THADA: variants seen among roughly 807,000 people sequenced by gnomAD.
The protein encoded by THADA is tRNA (32-2'-O)-methyltransferase regulator THADA.
A neutral mutation model predicts 219.8 loss-of-function variants in THADA; 213 were observed. That is an observed-to-expected ratio of 0.97 (90% CI 0.87 to 1.09). THADA has a LOEUF of 1.09. Ranked by LOEUF, THADA falls within the 50% of genes least tolerant of loss-of-function variation. The pLI is 0.00. For synonymous variants in THADA, 1,018 were observed against 828.9 expected (o/e 1.23, Z -3.92); for missense variants, 2,956 against 2,311.3 (o/e 1.28, Z -5.72).
intron 29 of THADA, among the ~76,000 whole-genome samples, chr2:43,347,616 A>C (rs1406528289): frequency 6.6e-6 from 1 of 152,242 alleles, no homozygotes; most frequent in African/African-American, 2.4e-5. Flanking sequence ...CATAAATACA[A>C]GATATTCATA....
At chr2:43,562,402 G>T (rs896251700) in intron 15 of THADA, 1 of 152,028 alleles carries the variant, frequency 6.6e-6, no homozygotes, top group African/African-American at 2.4e-5. Context: ...CTGCCACCAC[G>T]CCCGGCTAAT....
At chr2:43,478,999 A>G (rs1342032986) in intron 26 of THADA, among the ~76,000 whole-genome samples, 1 of 152,206 alleles carries the variant, frequency 6.6e-6, no homozygotes, top group Non-Finnish European at 1.5e-5. Context: ...ATACTCATTT[A>G]TCTACTCTGC....
At chr2:43,524,239 T>C (rs1345906319) in intron 22 of THADA, among the ~76,000 whole-genome samples, 1 of 152,242 alleles carries the variant, frequency 6.6e-6, no homozygotes, top group African/African-American at 2.4e-5. Flanking sequence ...GTGTTGCAAG[T>C]GTTGCTTTCA....
intron 36 of THADA, among the ~76,000 whole-genome samples, chr2:43,265,685 C>T (rs2104234097): frequency 6.6e-6 from 1 of 152,316 alleles, no homozygotes; most frequent in Admixed American, 6.5e-5. Context: ...AACCCCACTT[C>T]TTCAAACACG....
chr2:43,287,702 T>A (rs1056882293), intron 34 of THADA, among the ~76,000 whole-genome samples: 3 of 152,186 alleles, frequency 2.0e-5, no homozygotes, highest in African/African-American at 7.2e-5. Flanking sequence ...AAATAACAAC[T>A]TATTGTCACC....
chr2:43,283,218 C>T (rs1298195574), intron 35 of THADA, among the ~76,000 whole-genome samples: 1 of 152,140 alleles, frequency 6.6e-6, no homozygotes, highest in Non-Finnish European at 1.5e-5. Flanking sequence ...CCTGTTAAGC[C>T]CATGGAACTG....
chr2:43,430,200 A>C lies in THADA; in HGVS notation c.3926+13T>G, dbSNP rs1455644683. 6.9e-7 allele frequency: 1 copy of C among 1,440,378 alleles called. No homozygotes were observed. Among genetic ancestry groups the C allele is most frequent in the East Asian group, 2.6e-5 (1 of 38,872 alleles). The allele number at this position is 1,440,378 out of a possible 1,614,324, so 89.2% of individuals were successfully genotyped here. Reference sequence around the variant, plus strand: ...CCTTGAGGTCATTTTGCCCCACCCAATTCTCTTCTTACCTGTCTACTGTAT... The same window carrying C: ...CCTTGAGGTCATTTTGCCCCACCCACTTCTCTTCTTACCTGTCTACTGTAT... On this transcript the variant is annotated intron_variant, in intron 27 of 37. Coordinates refer to ENST00000405975, the MANE Select transcript of THADA (RefSeq NM_022065.5).
At chr2:43,357,666 T>C (rs774092796) in intron 29 of THADA, among the ~76,000 whole-genome samples, 2 of 152,180 alleles carry the variant, frequency 1.3e-5, no homozygotes, top group Non-Finnish European at 2.9e-5. Context: ...GTCCTACATA[T>C]ATCCTGTCAT....
intron 28 of THADA, among the ~76,000 whole-genome samples, chr2:43,421,813 G>A (rs934066871): frequency 6.6e-6 from 1 of 152,356 alleles, no homozygotes; most frequent in Non-Finnish European, 1.5e-5. Flanking sequence ...CTAAATTTTA[G>A]TAGATTAATT....
chr2:43,448,865 A>G lies in THADA; in HGVS notation c.3837-18563T>C, dbSNP rs547694052. On this transcript the variant is annotated intron_variant, in intron 26 of 37. Coordinates refer to ENST00000405975, the MANE Select transcript of THADA (RefSeq NM_022065.5). ...ACCTGATTTCCAGAGTTACTACACT[A>G]TTAGATTCAAGCATCCTGTTTCCAA... 2.6e-5 allele frequency among the ~76,000 whole-genome samples: 4 copies of G among 152,294 alleles called. No homozygotes were observed. In the South Asian group the frequency reaches 6.2e-4, roughly 24 times the overall value.
At chr2:43,258,728 A>G (rs1304201896) in intron 36 of THADA, among the ~76,000 whole-genome samples, 3 of 152,276 alleles carry the variant, frequency 2.0e-5, no homozygotes, top group African/African-American at 7.2e-5. Context: ...ACTTTTAGAA[A>G]TGAAGAATGA....
chr2:43,310,222 T>TCCCC (rs371025361), intron 31 of THADA, among the ~76,000 whole-genome samples: 2 of 64,578 alleles, frequency 3.1e-5, no homozygotes, highest in African/African-American at 5.9e-5. Context: ...TCCCTCCCTT[T>TCCCC]CCCGCCCCCC....
rs760020600 is a variant in THADA, at chr2:43,574,669, C to T, written c.1396G>A (p.Gly466Arg). Residue 466 changes from glycine (G) to arginine (R), a missense_variant, in exon 11 of 38, where the codon GGA (glycine) becomes AGA (arginine). Transcript: ENST00000405975. ...TCTATAGCCAAAATATGTTCAACTC[C>T]TATGCACTCTACCAAACAACCAAGG... ...TCLGCLVECI[G>R]VEHILAIDKT... is the part of the protein sequence containing the mutation. 6.2e-7 allele frequency: 1 copy of T among 1,614,012 alleles called. No homozygotes were observed. Among genetic ancestry groups the T allele is most frequent in the South Asian group, 1.1e-5 (1 of 91,086 alleles).
At chr2:43,520,817 C>T (rs1185425981) in intron 22 of THADA, among the ~76,000 whole-genome samples, 2 of 151,942 alleles carry the variant, frequency 1.3e-5, no homozygotes, top group Non-Finnish European at 2.9e-5. Flanking sequence ...TATCCAGCTT[C>T]CCTCAGTCTT....
intron 31 of THADA, 149 bp downstream of exon 31, chr2:43,320,297 G>A: frequency 2.0e-6 from 1 of 490,220 alleles, no homozygotes; most frequent in Non-Finnish European, 3.6e-6. Context: ...ACTTCTATGA[G>A]GGAACTATAT....
At chr2:43,240,157 G>A (rs531533166) in intron 36 of THADA, among the ~76,000 whole-genome samples, 1 of 152,312 alleles carries the variant, frequency 6.6e-6, no homozygotes, top group Middle Eastern at 3.4e-3. Flanking sequence ...TGGGTGAGAG[G>A]ACACACACAA....
chr2:43,563,439 A>G (rs1387692495), intron 15 of THADA: 1 of 152,182 alleles, frequency 6.6e-6, no homozygotes, highest in African/African-American at 2.4e-5. Context: ...CACAGAACTT[A>G]TCTACATCTT....
intron 29 of THADA, among the ~76,000 whole-genome samples, chr2:43,397,225 C>G (rs572829380): frequency 6.6e-6 from 1 of 152,248 alleles, no homozygotes; most frequent in South Asian, 2.1e-4. Context: ...TCAAGGCCAT[C>G]TCTCAACTCT....
chr2:43,393,018 T>C (rs1673575066), intron 29 of THADA, among the ~76,000 whole-genome samples: 1 of 152,146 alleles, frequency 6.6e-6, no homozygotes, highest in African/African-American at 2.4e-5. Context: ...GTCAAACCCT[T>C]AAGGATGACA....
Sources: gnomAD v4.1 joint callset for allele counts (sites outside exome capture counted in the v4.1 genomes callset) on GRCh38, gnomAD v4.1.1 for gene constraint, MANE v1.5 for transcripts, NCBI Gene and HGNC (gene_info 2026-07-23, HGNC 2026-07-21) for gene names.